The following MIGA1 variants were observed in gnomAD, a reference collection of about 807,000 sequenced individuals.
MIGA1 encodes the protein mitoguardin 1, also known as family with sequence similarity 73, member A.
MIGA1 carries 58 observed loss-of-function variants against 82.0 expected under a neutral mutation model. The ratio of observed to expected loss-of-function variants is 0.71; its 90% CI spans 0.57 to 0.88. MIGA1 has a LOEUF of 0.88. MIGA1 is among the 40% of genes least tolerant of loss of function. The probability of loss-of-function intolerance (pLI) is 0.00; values close to 1 mark genes in which losing one functional copy is unlikely to be tolerated. For synonymous variants in MIGA1, 249 were observed against 253.6 expected, an observed-to-expected ratio of 0.98 and a Z score of 0.17; for missense variants, 751 against 749.1, an observed-to-expected ratio of 1.00 and a Z score of -0.03.
chr1:77,847,017 A>G (rs1570990776), intron 8 of MIGA1: 3 of 648,744 alleles, frequency 4.6e-6, no homozygotes, highest in Non-Finnish European at 8.4e-6. Flanking sequence ...AGCTTTTGCT[A>G]TATCCACCTC....
chr1:77,830,427 A>T (rs999013407), intron 7 of MIGA1, among the ~76,000 whole-genome samples: 7 of 152,196 alleles, frequency 4.6e-5, no homozygotes, highest in African/African-American at 1.7e-4. Context: ...GCATTTGAAT[A>T]TTAACAACTC....
chr1:77,790,233 C>A (rs1219802282), intron 2 of MIGA1, among the ~76,000 whole-genome samples: 3 of 152,222 alleles, frequency 2.0e-5, no homozygotes, highest in Non-Finnish European at 4.4e-5. Context: ...CAGAACTCTT[C>A]TATCACCTTA....
intron 3 of MIGA1, among the ~76,000 whole-genome samples, 170 bp downstream of exon 3, chr1:77,801,678 A>T (rs1364581535): frequency 6.6e-6 from 1 of 152,224 alleles, no homozygotes; most frequent in African/African-American, 2.4e-5. Flanking sequence ...CAAACAAAAA[A>T]TTAAAATTAC....
In MIGA1 at chr1:77,878,169, A is replaced by C. The variant is rs1456475343; in HGVS notation, c.*3105A>C. Reference sequence around the variant, plus strand: ...AGCACTTTGGGAGGCCCAAGTGGGCAGATAACCTGAGGTCAGGAGTTTGAG... The same window carrying C: ...AGCACTTTGGGAGGCCCAAGTGGGCCGATAACCTGAGGTCAGGAGTTTGAG... On this transcript the variant is annotated 3_prime_UTR_variant, in exon 16 of 16. Transcript: ENST00000370791. 6.6e-6 allele frequency: 1 copy of C among 152,256 alleles called. No homozygotes were observed. Among genetic ancestry groups the C allele is most frequent in the Non-Finnish European group, 1.5e-5 (1 of 68,164 alleles). The allele number at this position is 152,256 out of a possible 1,614,324, so 9.4% of individuals were successfully genotyped here. A position where few individuals can be genotyped will look rare whatever the true frequency, so the allele number is the denominator to read the frequency against.
rs761179006 is a variant in MIGA1, at chr1:77,783,221, T to G, written c.82-17T>G. On this transcript the variant is annotated splice_polypyrimidine_tract_variant and intron_variant, in intron 1 of 15. Coordinates refer to ENST00000370791, the MANE Select transcript of MIGA1 (RefSeq NM_198549.4). ...AAATCTTTGTGGCTAATTTTTTTTA[T>G]GTTTCATTTAATGAAGATTAGAAGA... 3 of 1,503,236 alleles carry G rather than the reference T, an allele frequency of 2.0e-6. No individual in the cohort carries two copies. The African/African-American group carries it at 4.1e-5, about 21-fold the overall frequency. The allele number at this position is 1,503,236 out of a possible 1,614,324, so 93.1% of individuals were successfully genotyped here. A position where few individuals can be genotyped will look rare whatever the true frequency, so the allele number is the denominator to read the frequency against.
rs59662000 is a variant in MIGA1 at position 77,856,058 on chromosome 1, G to A, written c.997-2880G>A. Among the ~76,000 whole-genome samples the A allele has an allele frequency of 3.2e-3, 480 of 152,166 alleles. 2 individuals are homozygous for A. Among genetic ancestry groups the A allele is most frequent in the African/African-American group, 0.011 (461 of 41,508 alleles). ...CTTAGATGGCTTTCATTACACTAAG[G>A]TATGTCCCTTGTATGCCGATTTTTC... On this transcript the variant is annotated intron_variant, in intron 8 of 15. Transcript: ENST00000370791.
rs760637112 is a variant in MIGA1 at position 77,874,831 on chromosome 1, A to G, written c.1681-15A>G. 4.4e-6 allele frequency: 7 copies of G among 1,595,750 alleles called. No individual in the cohort carries two copies. The highest frequency in any genetic ancestry group is 1.7e-6 in the Non-Finnish European group (2 of 1,165,434). On this transcript the variant is annotated splice_polypyrimidine_tract_variant and intron_variant, in intron 15 of 15. Coordinates refer to ENST00000370791, the MANE Select transcript of MIGA1 (RefSeq NM_198549.4). ...ATTTTGGTCTAATAAATGCCAATTT[A>G]TGTTCATTTTCCAGAATCAAGTTCT...
chr1:77,803,793 G>T (rs1445460335), intron 4 of MIGA1, among the ~76,000 whole-genome samples: 1 of 152,118 alleles, frequency 6.6e-6, no homozygotes, highest in Non-Finnish European at 1.5e-5. Context: ...AAGTGGAATG[G>T]TTAATGGGTA....
intron 5 of MIGA1, among the ~76,000 whole-genome samples, chr1:77,807,520 G>A (rs1180007416): frequency 1.3e-5 from 2 of 152,106 alleles, no homozygotes; most frequent in Non-Finnish European, 2.9e-5. Context: ...AATTTTAAAT[G>A]TTCTTATATC....
At chr1:77,796,292 G>C (rs1049904565) in intron 2 of MIGA1, among the ~76,000 whole-genome samples, 13 of 151,582 alleles carry the variant, frequency 8.6e-5, no homozygotes, top group Non-Finnish European at 1.9e-4. Context: ...TAATTTTTTT[G>C]TATTTTTAGT....
rs1301600157 is a variant in MIGA1 at position 77,859,620 on chromosome 1, A to G, written c.1188+234A>G. ...GCCCACGACACTTTGTCAAAACAGGATATTTTGATACTTCAGGAGTGTAAA... is the reference window on the plus strand; with the variant it reads ...GCCCACGACACTTTGTCAAAACAGGGTATTTTGATACTTCAGGAGTGTAAA... On this transcript the variant is annotated intron_variant, in intron 10 of 15. Coordinates refer to ENST00000370791, the MANE Select transcript of MIGA1 (RefSeq NM_198549.4). 13 of 477,934 alleles carry G rather than the reference A, an allele frequency of 2.7e-5. No individual in the cohort carries two copies. The South Asian group carries it at 5.0e-4, about 18-fold the overall frequency. The allele number at this position is 477,934 out of a possible 1,614,324, so 29.6% of individuals were successfully genotyped here. A position where few individuals can be genotyped will look rare whatever the true frequency, so the allele number is the denominator to read the frequency against.
chr1:77,852,577 T>A (rs1685094524), intron 8 of MIGA1, among the ~76,000 whole-genome samples: 1 of 152,188 alleles, frequency 6.6e-6, no homozygotes. Flanking sequence ...AATTTGGTGC[T>A]TAAGTTCTGG....
intron 3 of MIGA1, among the ~76,000 whole-genome samples, chr1:77,802,176 G>A (rs1356585002): frequency 6.6e-6 from 1 of 152,134 alleles, no homozygotes; most frequent in African/African-American, 2.4e-5. Flanking sequence ...TGTGTGATAT[G>A]CTTTTGTGAG....
chr1:77,831,377 G>A (rs987203090), intron 7 of MIGA1, among the ~76,000 whole-genome samples: 1 of 151,972 alleles, frequency 6.6e-6, no homozygotes, highest in Non-Finnish European at 1.5e-5. Flanking sequence ...AAAAATGTTT[G>A]TTTTATTATT....
chr1:77,820,106 CT>C (rs59328443), intron 7 of MIGA1, among the ~76,000 whole-genome samples: 2,672 of 127,860 alleles, frequency 0.021, 49 homozygotes, highest in African/African-American at 0.055. Flanking sequence ...TTGTGTAGAT[CT>C]TTTTTTTTTT....
chr1:77,780,776 GTTTT>G (rs565297085), intron 1 of MIGA1, among the ~76,000 whole-genome samples: 1 of 145,314 alleles, frequency 6.9e-6, no homozygotes, highest in African/African-American at 2.5e-5. Context: ...CTAGTTTTTT[GTTTT>G]TTTTTCTTTA....
intron 1 of MIGA1, 58 bp downstream of exon 1, chr1:77,779,794 A>G: frequency 6.6e-7 from 1 of 1,505,362 alleles, no homozygotes; most frequent in South Asian, 1.2e-5. Flanking sequence ...CGGAGAGTTG[A>G]GCGGCCACGC....
chr1:77,844,113 A>AAAAAAAATATATATATAT (rs1296124524), intron 8 of MIGA1, among the ~76,000 whole-genome samples: 1 of 90,156 alleles, frequency 1.1e-5, no homozygotes, highest in African/African-American at 4.6e-5. Flanking sequence ...AAAAAAAAAA[A>AAAAAAAATATATATATAT]ATATATATAT....
intron 4 of MIGA1, among the ~76,000 whole-genome samples, chr1:77,805,324 A>G (rs1234097238): frequency 6.6e-6 from 1 of 151,674 alleles, no homozygotes; most frequent in Non-Finnish European, 1.5e-5. Context: ...TGGAATATAT[A>G]GCTGCCCTAT....
Sources: allele counts gnomAD v4.1 joint callset (sites outside exome capture counted in the v4.1 genomes callset), GRCh38; gene constraint gnomAD v4.1.1; transcripts MANE v1.5; gene names NCBI Gene and HGNC (gene_info 2026-07-23, HGNC 2026-07-21).